ZNF888: variants seen among roughly 807,000 people sequenced by gnomAD.
ZNF888 encodes zinc finger protein 888.
A neutral mutation model predicts 7.2 loss-of-function variants in ZNF888; 5 were observed. The observed-to-expected ratio is 0.70, with a 90% CI of 0.36 to 1.46. The LOEUF is 1.46. ZNF888 is among the 40% of genes most tolerant of loss of function. ZNF888 has a pLI of 0.03. For missense variants in ZNF888, 716 were observed against 858.0 expected (o/e 0.83, Z 2.07); for synonymous variants, 240 against 284.3 (o/e 0.84, Z 1.57).
rs974507948 is a variant in ZNF888 at position 52,917,743 on chromosome 19, A to G, written c.15+116T>C. The G allele has an allele frequency of 5.1e-6, 8 of 1,553,720 alleles. No homozygotes were observed. In the Admixed American group the frequency reaches 1.3e-4, roughly 26 times the overall value. On this transcript the variant is annotated intron_variant, in intron 3 of 4. Transcript: ENST00000638862. ...GAGGGACTGAGGGAAGGCATGGGTG[A>G]GTGTGAGCAAACCTGTCACGCAGGA...
intron 4 of ZNF888, among the ~76,000 whole-genome samples, chr19:52,910,149 CAAAAAAAAAAAAAAAAA>C (rs71335690): frequency 1.2e-5 from 1 of 83,908 alleles, no homozygotes; most frequent in Non-Finnish European, 2.9e-5. Flanking sequence ...GACTTCGTCT[CAAAAAAAAAAAAAAAAA>C]AAAAAAAAAA....
intron 2 of ZNF888, 162 bp from the exon 3 acceptor site, chr19:52,918,093 A>G: frequency 7.0e-7 from 1 of 1,418,652 alleles, no homozygotes; most frequent in Non-Finnish European, 9.2e-7. Flanking sequence ...TCCTATAGGA[A>G]AACTCCCACT....
rs1184125369 is a variant in ZNF888 at position 52,904,703 on chromosome 19, T to A, written c.*1462A>T. On this transcript the variant is annotated 3_prime_UTR_variant, in exon 5 of 5. Transcript: ENST00000638862. ...TCTAAGTTATGAGTTGATTTTTAAC[T>A]ACTGGGTTTAGGCCAGGCAGGCCCA... The A allele has an allele frequency of 6.6e-6, 1 of 152,216 alleles. No individual in the cohort carries two copies. Among genetic ancestry groups the A allele is most frequent in the African/African-American group, 2.4e-5 (1 of 41,462 alleles). 9.4% of individuals were successfully genotyped at this position (152,216 alleles called of 1,614,324 possible).
chr19:52,914,969 A>G (rs1042109156), intron 4 of ZNF888, among the ~76,000 whole-genome samples: 7 of 152,082 alleles, frequency 4.6e-5, no homozygotes, highest in Admixed American at 6.6e-5. Flanking sequence ...CCTGCCATAA[A>G]GTTTTATGCC....
chr19:52,914,158 A>C lies in ZNF888; in HGVS notation c.142+1038T>G, dbSNP rs1335643467. 1.9e-5 allele frequency: 3 copies of C among 161,040 alleles called. No individual in the cohort carries two copies. The East Asian group carries it at 5.7e-4, about 31-fold the overall frequency. The allele number at this position is 161,040 out of a possible 1,614,324, so 10.0% of individuals were successfully genotyped here. A position where few individuals can be genotyped will look rare whatever the true frequency, so the allele number is the denominator to read the frequency against. ...AAAGAGCAGAGAGATAAGTGAGGGC[A>C]AAGAAAGATGTCCTTTCAAAGATCT... On this transcript the variant is annotated intron_variant, in intron 4 of 4. Coordinates refer to ENST00000638862, the MANE Select transcript of ZNF888 (RefSeq NM_001393938.1).
intron 3 of ZNF888, among the ~76,000 whole-genome samples, chr19:52,915,717 T>C (rs1348004730): frequency 6.6e-6 from 1 of 152,106 alleles, no homozygotes; most frequent in Non-Finnish European, 1.5e-5. Context: ...CCTCGTGATC[T>C]GCCCACCTCG....
rs1212519905 is a variant in ZNF888 at position 52,906,404 on chromosome 19, C to T, written c.1918G>A (p.Asp640Asn). The T allele has an allele frequency of 9.9e-6, 16 of 1,612,940 alleles. No individual in the cohort carries two copies. The highest frequency in any genetic ancestry group is 1.1e-5 in the Non-Finnish European group (13 of 1,179,392). ...GEKPYKCRVC[D>N]KAFGRDSYLA... The stretch of plus-strand genomic sequence containing the variant: ...TATGAATCACGCCCAAAAGCCTTGT[C>T]GCAAACCCTACATTTGTATGGTTTC... Residue 640 changes from aspartate (D) to asparagine (N), a missense_variant, in exon 5 of 5, where the codon GAC becomes AAC. By Grantham distance (23) the Asp-to-Asn change is conservative. This residue lies in a region of ZNF888 where 697 missense variants were observed against 803.4 expected (regional missense o/e 0.87). Transcript: ENST00000638862.
In ZNF888 at chr19:52,905,756, T is replaced by C; in HGVS notation, c.*409A>G. Reference sequence around the variant, plus strand: ...GCTATACTCATTGCATTCGGAACTATTATCTCAAAAATAAATTTTCTGATA... The same window carrying C: ...GCTATACTCATTGCATTCGGAACTACTATCTCAAAAATAAATTTTCTGATA... On this transcript the variant is annotated 3_prime_UTR_variant, in exon 5 of 5. Transcript: ENST00000638862. 3.7e-6 allele frequency: 2 copies of C among 539,336 alleles called. No homozygotes were observed. The highest frequency in any genetic ancestry group is 7.4e-6 in the Non-Finnish European group (2 of 268,796). 33.4% of individuals were successfully genotyped at this position (539,336 alleles called of 1,614,324 possible).
intron 4 of ZNF888, chr19:52,913,834 AAAT>A (rs2064713964): frequency 1.3e-6 from 1 of 762,868 alleles, no homozygotes; most frequent in Admixed American, 6.3e-5. Flanking sequence ...AAACTATTTA[AAAT>A]AATAACGGTT....
intron 4 of ZNF888, among the ~76,000 whole-genome samples, chr19:52,912,534 G>A (rs1015922958): frequency 2.2e-5 from 3 of 134,046 alleles, no homozygotes; most frequent in African/African-American, 8.2e-5. Flanking sequence ...GACAGTCCTG[G>A]CTAACAAGCT....
At chr19:52,917,744 G>C (rs180743541) in intron 3 of ZNF888, 115 bp downstream of exon 3, 8 of 1,561,976 alleles carry the variant, frequency 5.1e-6, no homozygotes, top group Non-Finnish European at 6.2e-6. Flanking sequence ...GCATGGGTGA[G>C]TGTGAGCAAA....
intron 3 of ZNF888, chr19:52,917,470 A>G (rs1469567773): frequency 5.7e-6 from 3 of 522,876 alleles, no homozygotes; most frequent in African/African-American, 5.7e-5. Context: ...AGAATTTACC[A>G]TGTTCTTTGT....
chr19:52,913,787 T>C, intron 4 of ZNF888: 1 of 955,662 alleles, frequency 1.0e-6, no homozygotes, highest in Non-Finnish European at 1.2e-6. Flanking sequence ...GGAATCATGC[T>C]TAAACCACTT....
intron 1 of ZNF888, among the ~76,000 whole-genome samples, chr19:52,921,078 C>T (rs1174741731): frequency 6.6e-6 from 1 of 151,922 alleles, no homozygotes; most frequent in African/African-American, 2.4e-5. Flanking sequence ...GGAGATATCT[C>T]TGAGCCTAGA....
chr19:52,909,793 A>G (rs915470748), intron 4 of ZNF888, among the ~76,000 whole-genome samples: 1 of 152,212 alleles, frequency 6.6e-6, no homozygotes, highest in Non-Finnish European at 1.5e-5. Flanking sequence ...ACACAACATA[A>G]GAACAGAAAT....
At chr19:52,916,609 C>CATATAA (rs2064752258) in intron 3 of ZNF888, among the ~76,000 whole-genome samples, 1 of 59,546 alleles carries the variant, frequency 1.7e-5, no homozygotes, top group African/African-American at 7.9e-5. Context: ...CATACATATA[C>CATATAA]ATATACATAT....
intron 3 of ZNF888, among the ~76,000 whole-genome samples, chr19:52,916,476 ATG>A (rs1381584133): frequency 6.6e-6 from 1 of 151,760 alleles, no homozygotes; most frequent in Non-Finnish European, 1.5e-5. Flanking sequence ...CAAAATATAT[ATG>A]TGTGTGTACA....
chr19:52,909,611 A>G (rs2064653329), intron 4 of ZNF888, among the ~76,000 whole-genome samples: 1 of 152,112 alleles, frequency 6.6e-6, no homozygotes, highest in African/African-American at 2.4e-5. Flanking sequence ...AAAAACTCAC[A>G]TGTAAAATCA....
chr19:52,910,149 C>CAAAAAAAAA (rs71335690), intron 4 of ZNF888, among the ~76,000 whole-genome samples: 1 of 83,908 alleles, frequency 1.2e-5, no homozygotes, highest in Admixed American at 1.1e-4. Flanking sequence ...GACTTCGTCT[C>CAAAAAAAAA]AAAAAAAAAA....
Sources: allele counts gnomAD v4.1 joint callset (sites outside exome capture counted in the v4.1 genomes callset), GRCh38; gene constraint gnomAD v4.1.1; regional missense constraint gnomAD v4.1.1; transcripts MANE v1.5; gene names NCBI Gene and HGNC (gene_info 2026-07-23, HGNC 2026-07-21).